Variants in ADGRL3 observed in about 807,000 individuals in gnomAD.
ADGRL3 encodes the protein calcium-independent alpha-latrotoxin receptor 3.
In ADGRL3, 62 loss-of-function variants were observed where a neutral mutation model predicts 153.5. The ratio of observed to expected loss-of-function variants is 0.40; its 90% CI spans 0.33 to 0.50. ADGRL3 has a LOEUF of 0.50. Ranked by LOEUF, ADGRL3 falls within the 20% of genes least tolerant of loss-of-function variation. The probability of loss-of-function intolerance (pLI) is 0.47; values close to 1 mark genes in which losing one functional copy is unlikely to be tolerated. For missense variants in ADGRL3, 1,641 were observed against 1,859.4 expected, an observed-to-expected ratio of 0.88 and a Z score of 2.16; for synonymous variants, 710 against 672.5, an observed-to-expected ratio of 1.06 and a Z score of -0.86.
chr4:61,551,279 A>C (rs1258419232), intron 4 of ADGRL3, among the ~76,000 whole-genome samples: 1 of 152,138 alleles, frequency 6.6e-6, no homozygotes, highest in Non-Finnish European at 1.5e-5. Context: ...TCAAATGCAT[A>C]GTGATTTTTA....
At chr4:61,211,263 G>T (rs2148854170) in intron 1 of ADGRL3, among the ~76,000 whole-genome samples, 1 of 151,806 alleles carries the variant, frequency 6.6e-6, no homozygotes, top group East Asian at 1.9e-4. Context: ...TTTTACTTAG[G>T]TATCAGGAAA....
At chr4:61,806,728 A>G (rs754525108) in intron 8 of ADGRL3, among the ~76,000 whole-genome samples, 16 of 152,130 alleles carry the variant, frequency 1.1e-4, no homozygotes, top group Admixed American at 2.6e-4. Flanking sequence ...GATTCAAGAA[A>G]TTCACAAATT....
At chr4:62,057,468 A>T (rs926881491) in intron 25 of ADGRL3, among the ~76,000 whole-genome samples, 2 of 152,198 alleles carry the variant, frequency 1.3e-5, no homozygotes, top group African/African-American at 4.8e-5. Flanking sequence ...GAACTTTCTT[A>T]AAATGACTAT....
intron 17 of ADGRL3, among the ~76,000 whole-genome samples, chr4:61,969,989 A>T (rs1470285100): frequency 6.6e-6 from 1 of 152,086 alleles, no homozygotes. Flanking sequence ...AGAAAGCAAA[A>T]ATTTACTGCT....
intron 2 of ADGRL3, among the ~76,000 whole-genome samples, chr4:61,476,228 A>AT (rs1052218833): frequency 1.3e-5 from 2 of 151,660 alleles, no homozygotes; most frequent in African/African-American, 2.4e-5. Flanking sequence ...CTCTTCTTTT[A>AT]TTTTTTTTAT....
At chr4:61,422,474 A>T (rs1288951245) in intron 2 of ADGRL3, among the ~76,000 whole-genome samples, 3 of 152,196 alleles carry the variant, frequency 2.0e-5, no homozygotes, top group African/African-American at 7.2e-5. Context: ...GCATACACAC[A>T]GATATGGAAA....
intron 1 of ADGRL3, among the ~76,000 whole-genome samples, chr4:61,260,996 G>A (rs900861877): frequency 3.3e-5 from 5 of 152,034 alleles, no homozygotes; most frequent in African/African-American, 1.2e-4. Context: ...AAAATACTGG[G>A]ATTACAGGCA....
At chr4:61,263,663 A>G (rs918780949) in intron 1 of ADGRL3, among the ~76,000 whole-genome samples, 1 of 152,062 alleles carries the variant, frequency 6.6e-6, no homozygotes, top group African/African-American at 2.4e-5. Context: ...TCAATGCAGT[A>G]TGATTATGAC....
chr4:62,017,331 A>G (rs994933496), intron 21 of ADGRL3, among the ~76,000 whole-genome samples: 1 of 151,940 alleles, frequency 6.6e-6, no homozygotes, highest in Admixed American at 6.6e-5. Context: ...TAAAAAATGA[A>G]TGATTCCACC....
intron 9 of ADGRL3, among the ~76,000 whole-genome samples, chr4:61,825,188 A>G (rs1021737976): frequency 6.6e-6 from 1 of 152,212 alleles, no homozygotes; most frequent in Non-Finnish European, 1.5e-5. Flanking sequence ...AAATGTAAGT[A>G]CATAGCATGA....
intron 2 of ADGRL3, among the ~76,000 whole-genome samples, chr4:61,459,196 T>C (rs1159912696): frequency 6.6e-6 from 1 of 151,838 alleles, no homozygotes; most frequent in African/African-American, 2.4e-5. Flanking sequence ...TGCTATTTAA[T>C]TGACAAATAT....
At chr4:62,007,383 TACACACACAC>T (rs71269038) in intron 21 of ADGRL3, among the ~76,000 whole-genome samples, 11 of 30,748 alleles carry the variant, frequency 3.6e-4, no homozygotes, top group African/African-American at 5.0e-4. Flanking sequence ...TATATATATA[TACACACACAC>T]ACATATATAT....
chr4:61,914,296 G>A (rs2098735373), intron 13 of ADGRL3, among the ~76,000 whole-genome samples: 1 of 152,088 alleles, frequency 6.6e-6, no homozygotes, highest in Admixed American at 6.6e-5. Flanking sequence ...CCGTAGGGAA[G>A]GAAAGATTTC....
intron 1 of ADGRL3, among the ~76,000 whole-genome samples, chr4:61,310,908 G>C (rs1420134654): frequency 6.6e-6 from 1 of 151,822 alleles, no homozygotes; most frequent in Non-Finnish European, 1.5e-5. Context: ...GAGTGGAATG[G>C]ATATATTCCA....
At chr4:61,308,930 T>C (rs1324316754) in intron 1 of ADGRL3, among the ~76,000 whole-genome samples, 1 of 152,158 alleles carries the variant, frequency 6.6e-6, no homozygotes, top group Non-Finnish European at 1.5e-5. Flanking sequence ...GAATATATGA[T>C]ACTATTTGGC....
intron 1 of ADGRL3, among the ~76,000 whole-genome samples, chr4:61,255,066 C>G (rs975051579): frequency 6.6e-6 from 1 of 152,046 alleles, no homozygotes; most frequent in Non-Finnish European, 1.5e-5. Context: ...GCATAAATAT[C>G]ATGAACATAC....
At position 61,892,639 on chromosome 4, in the gene ADGRL3, T is replaced by G. The variant is rs772098256; in HGVS notation, c.1481-17T>G. 1.2e-6 allele frequency: 2 copies of G among 1,606,978 alleles called. No individual in the cohort carries two copies. The highest frequency in any genetic ancestry group is 3.3e-5 in the Admixed American group (2 of 59,952). ...TGAACAAGCAATGTAGGTGTTTTCT[T>G]TCTAATTTTATTTCAGATATCTCTA... On this transcript the variant is annotated splice_polypyrimidine_tract_variant and intron_variant, in intron 9 of 26. Coordinates refer to ENST00000683033, the MANE Select transcript of ADGRL3 (RefSeq NM_001387552.1).
chr4:61,828,447 C>A (rs6818583), intron 9 of ADGRL3, among the ~76,000 whole-genome samples: 155 of 152,134 alleles, frequency 1.0e-3, no homozygotes, highest in African/African-American at 3.7e-3. Context: ...GATGTAGGGG[C>A]AAACATTTAA....
chr4:61,510,082 T>C (rs1291777830), intron 3 of ADGRL3, among the ~76,000 whole-genome samples: 1 of 152,240 alleles, frequency 6.6e-6, no homozygotes, highest in Non-Finnish European at 1.5e-5. Flanking sequence ...GAAGTGTTTG[T>C]TCATGTCCTT....
Sources: gnomAD v4.1 joint callset for allele counts (sites outside exome capture counted in the v4.1 genomes callset) on GRCh38, gnomAD v4.1.1 for gene constraint, MANE v1.5 for transcripts, NCBI Gene and HGNC (gene_info 2026-07-23, HGNC 2026-07-21) for gene names.